The following STXBP5L variants were observed in gnomAD, a reference collection of about 807,000 sequenced individuals.
STXBP5L encodes the protein syntaxin binding protein 5L.
In STXBP5L, 65 loss-of-function variants were observed where a neutral mutation model predicts 144.5. That is an observed-to-expected ratio of 0.45 (90% CI 0.37 to 0.55). STXBP5L has a LOEUF of 0.55. STXBP5L is among the 20% of genes least tolerant of loss of function. STXBP5L has a pLI of 0.00. For synonymous variants in STXBP5L, 505 were observed against 469.6 expected (o/e 1.08, Z -0.97); for missense variants, 1,298 against 1,405.5 (o/e 0.92, Z 1.22).
chr3:121,336,474 G>A (rs1472095939), intron 20 of STXBP5L, among the ~76,000 whole-genome samples: 2 of 151,952 alleles, frequency 1.3e-5, no homozygotes, highest in Non-Finnish European at 2.9e-5. Flanking sequence ...CCCAGCCTGG[G>A]CGTCAGCAAG....
At chr3:120,914,104 T>C (rs1708987034) in intron 2 of STXBP5L, among the ~76,000 whole-genome samples, 2 of 152,128 alleles carry the variant, frequency 1.3e-5, no homozygotes, top group South Asian at 4.1e-4. Flanking sequence ...TCAGTTTTTA[T>C]TGAAGAAGAT....
chr3:121,263,068 G>C (rs2050437501), intron 18 of STXBP5L, among the ~76,000 whole-genome samples: 2 of 152,216 alleles, frequency 1.3e-5, no homozygotes. Context: ...ATACAGGAGA[G>C]CTCTGGCTGG....
intron 9 of STXBP5L, among the ~76,000 whole-genome samples, chr3:121,163,836 A>G (rs1246255902): frequency 6.6e-6 from 1 of 152,128 alleles, no homozygotes; most frequent in Non-Finnish European, 1.5e-5. Context: ...TAAAGACTCC[A>G]AAAGAGAATG....
At chr3:121,340,839 A>C (rs1308029314) in intron 20 of STXBP5L, among the ~76,000 whole-genome samples, 1 of 152,104 alleles carries the variant, frequency 6.6e-6, no homozygotes, top group African/African-American at 2.4e-5. Flanking sequence ...AGAAACAACA[A>C]AAAGTTAAAA....
chr3:121,090,937 C>G (rs1201922120), intron 5 of STXBP5L, among the ~76,000 whole-genome samples: 1 of 118,998 alleles, frequency 8.4e-6, no homozygotes, highest in Non-Finnish European at 1.7e-5. Context: ...CCTCCCCCCA[C>G]CCCACAACAG....
intron 10 of STXBP5L, among the ~76,000 whole-genome samples, chr3:121,215,362 A>T (rs2048738130): frequency 6.6e-6 from 1 of 152,146 alleles, no homozygotes; most frequent in Non-Finnish European, 1.5e-5. Flanking sequence ...TTCCAAATTT[A>T]GTACTTTCAT....
At chr3:121,026,859 A>G (rs1945985131) in intron 3 of STXBP5L, among the ~76,000 whole-genome samples, 1 of 151,654 alleles carries the variant, frequency 6.6e-6, no homozygotes, top group African/African-American at 2.4e-5. Flanking sequence ...AAAAATATAT[A>G]TATATAGTTA....
At chr3:121,252,803 G>A (rs2050069224) in intron 15 of STXBP5L, among the ~76,000 whole-genome samples, 2 of 152,150 alleles carry the variant, frequency 1.3e-5, no homozygotes, top group South Asian at 4.1e-4. Context: ...CCTTCGCTGG[G>A]TCCTTTGCTC....
intron 9 of STXBP5L, among the ~76,000 whole-genome samples, chr3:121,182,152 A>T (rs968504167): frequency 1.3e-5 from 2 of 152,194 alleles, no homozygotes; most frequent in African/African-American, 4.8e-5. Flanking sequence ...GTAGACTTAA[A>T]CTATATGCTA....
intron 3 of STXBP5L, among the ~76,000 whole-genome samples, chr3:121,037,146 T>C (rs573728964): frequency 6.6e-6 from 1 of 151,952 alleles, no homozygotes; most frequent in African/African-American, 2.4e-5. Flanking sequence ...TTGGCCAGGC[T>C]TGTCTTGAAC....
chr3:121,262,050 C>T (rs1251417939), intron 18 of STXBP5L, among the ~76,000 whole-genome samples: 1 of 152,142 alleles, frequency 6.6e-6, no homozygotes, highest in East Asian at 1.9e-4. Context: ...AGTGAACAAA[C>T]TCCCTCAGAA....
intron 20 of STXBP5L, among the ~76,000 whole-genome samples, chr3:121,330,017 A>G (rs1451096709): frequency 6.6e-6 from 1 of 152,234 alleles, no homozygotes; most frequent in African/African-American, 2.4e-5. Flanking sequence ...AAACACTAAT[A>G]TTGGAACAAT....
At chr3:121,170,718 A>G (rs1302034537) in intron 9 of STXBP5L, among the ~76,000 whole-genome samples, 1 of 152,184 alleles carries the variant, frequency 6.6e-6, no homozygotes, top group Non-Finnish European at 1.5e-5. Flanking sequence ...CCAACCAAAA[A>G]CAACCCAGCA....
intron 20 of STXBP5L, among the ~76,000 whole-genome samples, chr3:121,370,983 T>C (rs1245841183): frequency 6.6e-6 from 1 of 152,214 alleles, no homozygotes; most frequent in East Asian, 1.9e-4. Flanking sequence ...TTCATTCCTA[T>C]CCATATTCTG....
At chr3:121,240,419 C>T (rs748934694) in intron 13 of STXBP5L, 21 bp from the exon 14 acceptor site, 68 of 1,608,164 alleles carry the variant, frequency 4.2e-5, no homozygotes, top group Non-Finnish European at 5.5e-5. Flanking sequence ...TATATATATT[C>T]TTTCTGGATA....
At chr3:121,015,832 C>T (rs1405190811) in intron 3 of STXBP5L, among the ~76,000 whole-genome samples, 1 of 152,130 alleles carries the variant, frequency 6.6e-6, no homozygotes, top group Non-Finnish European at 1.5e-5. Context: ...CAGATGGGGG[C>T]AAAAGGTGTT....
At chr3:120,965,047 A>T (rs1053890551) in intron 3 of STXBP5L, among the ~76,000 whole-genome samples, 1 of 151,576 alleles carries the variant, frequency 6.6e-6, no homozygotes, top group Non-Finnish European at 1.5e-5. Flanking sequence ...GTCTCTTTTG[A>T]TCTTTGTTGG....
chr3:121,326,065 T>C (rs2044135932), intron 20 of STXBP5L, among the ~76,000 whole-genome samples: 1 of 151,900 alleles, frequency 6.6e-6, no homozygotes, highest in Non-Finnish European at 1.5e-5. Flanking sequence ...AAATAGACAT[T>C]AATCTTAACA....
chr3:121,152,141 C>G (rs928021987), intron 7 of STXBP5L, among the ~76,000 whole-genome samples: 8 of 151,948 alleles, frequency 5.3e-5, no homozygotes, highest in Non-Finnish European at 8.8e-5. Flanking sequence ...ATACATAGTT[C>G]ATTAATCTTA....
Sources: gnomAD v4.1 joint callset for allele counts (sites outside exome capture counted in the v4.1 genomes callset) on GRCh38, gnomAD v4.1.1 for gene constraint, MANE v1.5 for transcripts, NCBI Gene and HGNC (gene_info 2026-07-23, HGNC 2026-07-21) for gene names.